The following NELL1 variants were observed in gnomAD, a reference collection of about 807,000 sequenced individuals.
The protein encoded by NELL1 is protein kinase C-binding protein NELL1.
Under a neutral mutation model 107.4 loss-of-function variants are expected in NELL1, and 76 were observed. The ratio of observed to expected loss-of-function variants is 0.71; its 90% confidence interval spans 0.59 to 0.86. The LOEUF (loss-of-function observed/expected upper bound fraction) is 0.86. NELL1 is among the 40% of genes least tolerant of loss of function. The probability of loss-of-function intolerance (pLI) is 0.00; values close to 1 mark genes in which losing one functional copy is unlikely to be tolerated. For synonymous variants in NELL1, 353 were observed against 341.2 expected, an observed-to-expected ratio of 1.03 and a Z score of -0.38; for missense variants, 1,024 against 1,005.5, an observed-to-expected ratio of 1.02 and a Z score of -0.25.
intron 12 of NELL1, among the ~76,000 whole-genome samples, chr11:21,008,288 C>T (rs1047995643): frequency 2.6e-5 from 4 of 152,070 alleles, no homozygotes; most frequent in African/African-American, 9.7e-5. Context: ...TGAATACAAA[C>T]TACATCTTAA....
At chr11:21,196,247 T>G (rs1165468647) in intron 13 of NELL1, among the ~76,000 whole-genome samples, 2 of 152,142 alleles carry the variant, frequency 1.3e-5, no homozygotes, top group African/African-American at 4.8e-5. Context: ...CCAGGCACAG[T>G]GCTAAGCAAT....
In NELL1 at chr11:20,927,414, GTGACCAT is replaced by G; in HGVS notation, c.869_875del (p.Asp290AlafsTer58). 1 of 1,611,806 alleles carries G rather than the reference GTGACCAT, an allele frequency of 6.2e-7. No homozygotes were observed. The highest frequency in any genetic ancestry group is 8.5e-7 in the Non-Finnish European group (1 of 1,179,554). Reference sequence around the variant, plus strand: ...CGAGATCAAGACTCTTGGGTAGATGGTGACCATTGCAGGAACTGCACTTGCAAAGTAA... The same window carrying G: ...CGAGATCAAGACTCTTGGGTAGATGGTGCAGGAACTGCACTTGCAAAGTAA... On this transcript the variant is annotated frameshift_variant, in exon 8 of 20. Transcript: ENST00000357134. LOFTEE classifies it high-confidence loss of function.
At chr11:21,401,681 A>C (rs1852100656) in intron 15 of NELL1, among the ~76,000 whole-genome samples, 1 of 151,706 alleles carries the variant, frequency 6.6e-6, no homozygotes, top group Admixed American at 6.6e-5. Context: ...ACTCATTAGC[A>C]TTTCTGGCTT....
intron 12 of NELL1, among the ~76,000 whole-genome samples, chr11:21,015,739 C>T (rs76896078): frequency 0.023 from 3,557 of 152,084 alleles, 137 homozygotes; most frequent in African/African-American, 0.081. Flanking sequence ...CTGTGCTTTC[C>T]CTCTAAATGA....
intron 2 of NELL1, among the ~76,000 whole-genome samples, chr11:20,717,792 C>T (rs1855287863): frequency 6.6e-6 from 1 of 152,000 alleles, no homozygotes; most frequent in African/African-American, 2.4e-5. Context: ...TAATTTTTGT[C>T]CCCCAGTAAA....
At chr11:20,741,784 A>G (rs373308859) in intron 2 of NELL1, among the ~76,000 whole-genome samples, 8 of 152,226 alleles carry the variant, frequency 5.3e-5, no homozygotes, top group African/African-American at 1.9e-4. Context: ...TTCCACAGAG[A>G]TTAGATGGAG....
intron 2 of NELL1, among the ~76,000 whole-genome samples, chr11:20,706,737 T>C (rs765050594): frequency 6.6e-6 from 1 of 152,186 alleles, no homozygotes; most frequent in Non-Finnish European, 1.5e-5. Context: ...GAGTTTCTGC[T>C]GAGAGATCCT....
At chr11:21,293,408 G>A (rs1024922971) in intron 14 of NELL1, among the ~76,000 whole-genome samples, 12 of 152,052 alleles carry the variant, frequency 7.9e-5, no homozygotes, top group Non-Finnish European at 1.0e-4. Context: ...TTACAATGAC[G>A]ATCATTAAAA....
chr11:20,863,792 C>A (rs535766298), intron 4 of NELL1, among the ~76,000 whole-genome samples: 5 of 152,290 alleles, frequency 3.3e-5, no homozygotes, highest in Admixed American at 1.3e-4. Context: ...GCCGAGATCA[C>A]GCCACTGCAC....
chr11:21,301,387 C>T (rs1438836879), intron 14 of NELL1, among the ~76,000 whole-genome samples: 1 of 152,112 alleles, frequency 6.6e-6, no homozygotes, highest in Non-Finnish European at 1.5e-5. Flanking sequence ...CCTATTTCTC[C>T]ACATCCTCTC....
chr11:20,960,813 C>T (rs1172608125), intron 12 of NELL1, among the ~76,000 whole-genome samples: 2 of 152,128 alleles, frequency 1.3e-5, no homozygotes, highest in Non-Finnish European at 2.9e-5. Context: ...ATATCAAATC[C>T]CATGTTCTGC....
At chr11:21,337,780 C>CTTTCT (rs1555006142) in intron 14 of NELL1, among the ~76,000 whole-genome samples, 13 of 139,998 alleles carry the variant, frequency 9.3e-5, no homozygotes, top group South Asian at 2.4e-4. Context: ...TTCTTTCTTT[C>CTTTCT]TTTCTTTCTT....
chr11:20,775,216 C>T (rs1280677714), intron 2 of NELL1, among the ~76,000 whole-genome samples: 2 of 152,146 alleles, frequency 1.3e-5, no homozygotes, highest in South Asian at 4.1e-4. Context: ...AAATTGAAGG[C>T]CATGCCTATC....
chr11:21,257,908 C>T (rs1858810563), intron 14 of NELL1, among the ~76,000 whole-genome samples: 2 of 151,968 alleles, frequency 1.3e-5, no homozygotes, highest in Admixed American at 1.3e-4. Context: ...CAGCAAGATA[C>T]ATCCCTTTCT....
chr11:21,480,100 C>A (rs1232289002), intron 15 of NELL1, among the ~76,000 whole-genome samples: 1 of 152,086 alleles, frequency 6.6e-6, no homozygotes, highest in Non-Finnish European at 1.5e-5. Flanking sequence ...ATATAAAATT[C>A]TCTATTATTT....
At chr11:20,895,345 T>G (rs941730276) in intron 5 of NELL1, among the ~76,000 whole-genome samples, 13 of 139,730 alleles carry the variant, frequency 9.3e-5, no homozygotes, top group Admixed American at 3.7e-4. Flanking sequence ...ACTGTGTATA[T>G]GTACCCTTTA....
chr11:21,040,310 C>A (rs1853198795), intron 12 of NELL1, among the ~76,000 whole-genome samples: 1 of 152,068 alleles, frequency 6.6e-6, no homozygotes, highest in South Asian at 2.1e-4. Flanking sequence ...CTTCTTTGAA[C>A]ATTTACTTTG....
intron 2 of NELL1, among the ~76,000 whole-genome samples, chr11:20,722,845 G>A (rs1197164000): frequency 5.9e-5 from 9 of 152,146 alleles, no homozygotes; most frequent in Non-Finnish European, 1.5e-5. Context: ...ACCTGAGACT[G>A]GGTAATTTAT....
intron 16 of NELL1, among the ~76,000 whole-genome samples, chr11:21,545,817 C>A (rs886841997): frequency 6.6e-6 from 1 of 151,906 alleles, no homozygotes; most frequent in Admixed American, 6.6e-5. Flanking sequence ...GAAGTATGAT[C>A]CTCAGACCAG....
Sources: gnomAD v4.1 joint callset for allele counts (sites outside exome capture counted in the v4.1 genomes callset) on GRCh38, gnomAD v4.1.1 for gene constraint, MANE v1.5 for transcripts, NCBI Gene and HGNC (gene_info 2026-07-23, HGNC 2026-07-21) for gene names.